SLIT2: variants seen among roughly 807,000 people sequenced by gnomAD.
SLIT2 encodes slit guidance ligand 2, also known as slit homolog 2 protein.
SLIT2 carries 41 observed loss-of-function variants against 185.7 expected under a neutral mutation model. The ratio of observed to expected loss-of-function variants is 0.22; its 90% CI spans 0.17 to 0.29. The LOEUF (loss-of-function observed/expected upper bound fraction) is 0.29. Among genes scored for constraint, SLIT2 ranks in the 10% least tolerant of loss-of-function variants. The pLI is 1.00. For synonymous variants in SLIT2, 693 were observed against 680.2 expected, an observed-to-expected ratio of 1.02 and a Z score of -0.29; for missense variants, 1,571 against 1,909.0, an observed-to-expected ratio of 0.82 and a Z score of 3.30.
intron 4 of SLIT2, among the ~76,000 whole-genome samples, chr4:20,403,904 A>AC (rs1470221252): frequency 6.6e-6 from 1 of 151,484 alleles, no homozygotes; most frequent in African/African-American, 2.4e-5. Context: ...ACTTAAAAAA[A>AC]AAACAAAAAC....
chr4:20,588,106 A>G (rs1352880666), intron 29 of SLIT2, among the ~76,000 whole-genome samples: 3 of 152,208 alleles, frequency 2.0e-5, no homozygotes, highest in Non-Finnish European at 2.9e-5. Context: ...GAGTAATACT[A>G]TTTGAAATCA....
chr4:20,281,898 A>G (rs1249524066), intron 4 of SLIT2, among the ~76,000 whole-genome samples: 1 of 152,224 alleles, frequency 6.6e-6, no homozygotes, highest in African/African-American at 2.4e-5. Flanking sequence ...CCATCATCAT[A>G]TTTCAGAGCA....
At chr4:20,480,293 C>T (rs1485628730) in intron 5 of SLIT2, among the ~76,000 whole-genome samples, 3 of 152,158 alleles carry the variant, frequency 2.0e-5, no homozygotes, top group Non-Finnish European at 4.4e-5. Flanking sequence ...AATTAACATG[C>T]AGCTGGGCTT....
chr4:20,472,389 G>T (rs374934577), intron 5 of SLIT2, among the ~76,000 whole-genome samples: 1,081 of 8,974 alleles, frequency 0.12, 63 homozygotes, highest in Middle Eastern at 0.5. Context: ...TATATATGTA[G>T]ATATATAGAT....
At chr4:20,529,184 A>C (rs995954236) in intron 16 of SLIT2, 85 bp downstream of exon 16, 1 of 972,700 alleles carries the variant, frequency 1.0e-6, no homozygotes, top group Non-Finnish European at 1.5e-6. Flanking sequence ...TGCCATTTTT[A>C]TTATTAATAA....
At chr4:20,428,981 C>T (rs1728761831) in intron 4 of SLIT2, among the ~76,000 whole-genome samples, 1 of 152,170 alleles carries the variant, frequency 6.6e-6, no homozygotes, top group African/African-American at 2.4e-5. Flanking sequence ...CCTCCATACT[C>T]ACAGAGCTTT....
At chr4:20,492,365 G>C (rs189146736) in intron 9 of SLIT2, among the ~76,000 whole-genome samples, 1 of 152,306 alleles carries the variant, frequency 6.6e-6, no homozygotes, top group African/African-American at 2.4e-5. Context: ...GTGAAGAAAG[G>C]ATAACATAAA....
chr4:20,611,195 A>G (rs1729190839), intron 34 of SLIT2, among the ~76,000 whole-genome samples: 1 of 152,222 alleles, frequency 6.6e-6, no homozygotes, highest in Admixed American at 6.5e-5. Flanking sequence ...GTTTCACATC[A>G]TTTTCTGAAA....
chr4:20,373,923 G>A (rs1355500136), intron 4 of SLIT2, among the ~76,000 whole-genome samples: 1 of 152,048 alleles, frequency 6.6e-6, no homozygotes, highest in African/African-American at 2.4e-5. Flanking sequence ...GGAACAATGA[G>A]CAGCTTATAG....
intron 9 of SLIT2, among the ~76,000 whole-genome samples, chr4:20,493,792 TAACTC>T (rs944126636): frequency 5.3e-5 from 8 of 152,188 alleles, no homozygotes; most frequent in African/African-American, 1.9e-4. Flanking sequence ...CCAGAAATGA[TAACTC>T]AAGCATAGAA....
intron 29 of SLIT2, among the ~76,000 whole-genome samples, chr4:20,575,099 A>G (rs1725981946): frequency 6.6e-6 from 1 of 152,206 alleles, no homozygotes; most frequent in Admixed American, 6.5e-5. Context: ...CTATCTCAGA[A>G]ACATAATAGC....
At chr4:20,448,132 C>G (rs1323728078) in intron 4 of SLIT2, among the ~76,000 whole-genome samples, 2 of 152,090 alleles carry the variant, frequency 1.3e-5, no homozygotes, top group African/African-American at 4.8e-5. Context: ...TTTTGAAACA[C>G]TTAAGGAATA....
intron 9 of SLIT2, among the ~76,000 whole-genome samples, chr4:20,494,046 C>A (rs1240301892): frequency 6.6e-6 from 1 of 152,138 alleles, no homozygotes; most frequent in Non-Finnish European, 1.5e-5. Flanking sequence ...ATATAAGGAT[C>A]TTGGATTTTA....
chr4:20,533,736 T>A (rs765761113), intron 18 of SLIT2, 21 bp downstream of exon 18: 7 of 1,598,554 alleles, frequency 4.4e-6, no homozygotes, highest in Non-Finnish European at 6.0e-6. Context: ...GTACTTGCAT[T>A]GCAGTTCTTC....
intron 11 of SLIT2, among the ~76,000 whole-genome samples, chr4:20,515,946 G>A (rs906477201): frequency 6.6e-6 from 1 of 152,140 alleles, no homozygotes; most frequent in Admixed American, 6.5e-5. Context: ...CTCTCATGTA[G>A]CTGGGATTAC....
intron 4 of SLIT2, among the ~76,000 whole-genome samples, chr4:20,398,023 T>C (rs1246764423): frequency 6.6e-6 from 1 of 151,754 alleles, no homozygotes; most frequent in Non-Finnish European, 1.5e-5. Context: ...TTATATATTA[T>C]GTTTGAGGCA....
intron 4 of SLIT2, among the ~76,000 whole-genome samples, chr4:20,354,000 G>C (rs1722097501): frequency 6.6e-6 from 1 of 152,054 alleles, no homozygotes; most frequent in African/African-American, 2.4e-5. Flanking sequence ...CATTGCGTAG[G>C]ATAAAATCAT....
intron 4 of SLIT2, among the ~76,000 whole-genome samples, chr4:20,319,209 ACTAT>A (rs1446858082): frequency 3.3e-5 from 5 of 152,160 alleles, no homozygotes; most frequent in Non-Finnish European, 7.3e-5. Flanking sequence ...TGCCCAGTGG[ACTAT>A]CTATTTAAAT....
At chr4:20,342,025 A>C (rs1721000079) in intron 4 of SLIT2, among the ~76,000 whole-genome samples, 1 of 152,200 alleles carries the variant, frequency 6.6e-6, no homozygotes, top group Non-Finnish European at 1.5e-5. Flanking sequence ...AGGGTAAAAA[A>C]GTCATTGAAC....
Sources: allele counts gnomAD v4.1 joint callset (sites outside exome capture counted in the v4.1 genomes callset), GRCh38; gene constraint gnomAD v4.1.1; transcripts MANE v1.5; gene names NCBI Gene and HGNC (gene_info 2026-07-23, HGNC 2026-07-21).